The following RXFP1 variants were observed in gnomAD, a reference collection of about 807,000 sequenced individuals.
RXFP1 encodes the protein relaxin receptor 1.
In RXFP1, 73 loss-of-function variants were observed where a neutral mutation model predicts 89.8. That is an observed-to-expected ratio of 0.81 (90% CI 0.67 to 0.99). The LOEUF is 0.99. Among genes scored for constraint, RXFP1 ranks in the 50% least tolerant of loss-of-function variants. The pLI is 0.00. For synonymous variants in RXFP1, 277 were observed against 305.5 expected, an observed-to-expected ratio of 0.91 and a Z score of 0.97; for missense variants, 793 against 895.5, an observed-to-expected ratio of 0.89 and a Z score of 1.46.
chr4:158,633,445 A>G lies in RXFP1; in HGVS notation c.940A>G (p.Ile314Val). 2 of 1,604,320 alleles carry G rather than the reference A, an allele frequency of 1.2e-6. No homozygotes were observed. The highest frequency in any genetic ancestry group is 1.7e-6 in the Non-Finnish European group (2 of 1,173,172). ...SNKIENLPPLIFKDLKELSQL... is the reference protein window; with the variant it reads ...SNKIENLPPLVFKDLKELSQL... The stretch of plus-strand genomic sequence containing the variant: ...TAAGATTGAAAATCTTCCACCGCTT[A>G]TATTCAAGGACCTGAAGGAGCTGTC... The change falls in exon 12 of 18, where the codon ATA (isoleucine) becomes GTA (valine). Residue 314 changes from isoleucine to valine, a missense_variant. Ile to Val is a conservative substitution (Grantham distance 29, BLOSUM62 3). Coordinates refer to ENST00000307765, the MANE Select transcript of RXFP1 (RefSeq NM_021634.4).
At chr4:158,607,111 T>A in intron 5 of RXFP1, 1 of 1,536,028 alleles carries the variant, frequency 6.5e-7, no homozygotes, top group East Asian at 2.4e-5. Context: ...AATCCTTACT[T>A]TATCATTCCC....
At chr4:158,537,447 G>T (rs908348879) in intron 1 of RXFP1, among the ~76,000 whole-genome samples, 1 of 152,108 alleles carries the variant, frequency 6.6e-6, no homozygotes, top group African/African-American at 2.4e-5. Flanking sequence ...GGTCTTGGTG[G>T]AAGACTATGT....
chr4:158,647,023 C>T lies in RXFP1; in HGVS notation c.1578C>T (p.Cys526=), dbSNP rs1178773680. The T allele has an allele frequency of 3.1e-6, 5 of 1,614,066 alleles. No homozygotes were observed. Among genetic ancestry groups the T allele is most frequent in the Non-Finnish European group, 4.2e-6 (5 of 1,179,992 alleles). ...YPFRCVRPGK[C]RTITVLILIW... Reference sequence around the variant, plus strand: ...TTAGATGTGTGAGACCTGGAAAATGCAGAACAATTACAGTTCTGATTCTCA... The same window carrying T: ...TTAGATGTGTGAGACCTGGAAAATGTAGAACAATTACAGTTCTGATTCTCA... Residue 526 remains cysteine, a synonymous_variant, in exon 16 of 18, where the codon TGC becomes TGT. Coordinates refer to ENST00000307765, the MANE Select transcript of RXFP1 (RefSeq NM_021634.4).
At chr4:158,589,606 C>G (rs576389624) in intron 2 of RXFP1, among the ~76,000 whole-genome samples, 1 of 152,236 alleles carries the variant, frequency 6.6e-6, no homozygotes, top group East Asian at 1.9e-4. Context: ...CTACAACTAA[C>G]CTCATCAGAC....
intron 1 of RXFP1, among the ~76,000 whole-genome samples, chr4:158,571,383 G>A (rs1755024343): frequency 6.6e-6 from 1 of 152,146 alleles, no homozygotes; most frequent in Admixed American, 6.5e-5. Flanking sequence ...TAGGGTAAAA[G>A]AGGCTGGGCG....
chr4:158,567,629 C>A (rs561615630), intron 1 of RXFP1, among the ~76,000 whole-genome samples: 28 of 152,118 alleles, frequency 1.8e-4, no homozygotes, highest in Non-Finnish European at 3.8e-4. Flanking sequence ...CACCAATCAG[C>A]ACTCTGTGTC....
At chr4:158,576,932 C>T (rs1247382680) in intron 2 of RXFP1, among the ~76,000 whole-genome samples, 1 of 152,120 alleles carries the variant, frequency 6.6e-6, no homozygotes, top group East Asian at 1.9e-4. Context: ...TCTCTAATTG[C>T]TTTAATTTCC....
chr4:158,609,428 A>G (rs1763144578), intron 6 of RXFP1, among the ~76,000 whole-genome samples: 1 of 152,188 alleles, frequency 6.6e-6, no homozygotes, highest in African/African-American at 2.4e-5. Context: ...GGCTTTCTCA[A>G]TGTTCCGTTT....
chr4:158,549,404 C>T (rs867610208), intron 1 of RXFP1, among the ~76,000 whole-genome samples: 1 of 152,126 alleles, frequency 6.6e-6, no homozygotes. Flanking sequence ...GAATTTCCTC[C>T]TGTAGTTTGG....
At position 158,648,705 on chromosome 4, in the gene RXFP1, G is replaced by A; in HGVS notation, c.1963G>A (p.Val655Ile). The A allele has an allele frequency of 1.3e-6, 2 of 1,581,294 alleles. No individual in the cohort carries two copies. The highest frequency in any genetic ancestry group is 3.5e-5 in the Admixed American group (2 of 57,970). The change falls in exon 17 of 18, where the codon GTA becomes ATA. Residue 655 changes from valine (V) to isoleucine (I), a missense_variant. Coordinates refer to ENST00000307765, the MANE Select transcript of RXFP1 (RefSeq NM_021634.4). Reference sequence around the variant, plus strand: ...AGTGAAATTTCTTTCACTGCTTCAGGTAGAAATACCAGGTACAATATTTTT... The same window carrying A: ...AGTGAAATTTCTTTCACTGCTTCAGATAGAAATACCAGGTACAATATTTTT... ...FVVKFLSLLQ[V>I]EIPGTITSWV...
At chr4:158,633,969 A>T (rs1287431962) in intron 12 of RXFP1, among the ~76,000 whole-genome samples, 1 of 152,300 alleles carries the variant, frequency 6.6e-6, no homozygotes, top group East Asian at 1.9e-4. Flanking sequence ...CCTATTGTGG[A>T]TAATGTTGCT....
chr4:158,566,665 A>G (rs538448588), intron 1 of RXFP1, among the ~76,000 whole-genome samples: 24 of 152,240 alleles, frequency 1.6e-4, no homozygotes, highest in Non-Finnish European at 3.2e-4. Context: ...CACCCGGCCC[A>G]AAAGTTACTT....
intron 2 of RXFP1, among the ~76,000 whole-genome samples, chr4:158,580,127 A>G (rs1757052347): frequency 6.6e-6 from 1 of 152,190 alleles, no homozygotes; most frequent in African/African-American, 2.4e-5. Context: ...CAGGGTGAGC[A>G]GCTTAAGATG....
intron 2 of RXFP1, among the ~76,000 whole-genome samples, chr4:158,577,211 G>C (rs975597713): frequency 2.0e-5 from 3 of 151,890 alleles, no homozygotes; most frequent in Admixed American, 6.6e-5. Flanking sequence ...CTAATTTTTT[G>C]CATTTTTAGT....
At chr4:158,527,173 T>C (rs879332385) in intron 1 of RXFP1, among the ~76,000 whole-genome samples, 4 of 152,186 alleles carry the variant, frequency 2.6e-5, no homozygotes, top group Non-Finnish European at 4.4e-5. Flanking sequence ...AGATTTTAAA[T>C]AATTTTTTTG....
At chr4:158,629,588 T>A (rs1239958307) in intron 11 of RXFP1, among the ~76,000 whole-genome samples, 5 of 150,292 alleles carry the variant, frequency 3.3e-5, no homozygotes, top group Non-Finnish European at 7.4e-5. Flanking sequence ...TTCAGACCAT[T>A]TTTTTATATT....
chr4:158,609,616 T>C (rs966561215), intron 6 of RXFP1, among the ~76,000 whole-genome samples: 1 of 152,008 alleles, frequency 6.6e-6, no homozygotes, highest in South Asian at 2.1e-4. Context: ...GGTATCAGAG[T>C]TTGGGATTGA....
intron 11 of RXFP1, among the ~76,000 whole-genome samples, chr4:158,630,361 A>T (rs1372475177): frequency 6.6e-6 from 1 of 152,236 alleles, no homozygotes; most frequent in African/African-American, 2.4e-5. Context: ...CACATAGGAA[A>T]GTAGTCTAAA....
intron 1 of RXFP1, among the ~76,000 whole-genome samples, chr4:158,526,531 T>C (rs930128039): frequency 1.3e-5 from 2 of 152,228 alleles, no homozygotes; most frequent in African/African-American, 4.8e-5. Context: ...ATTTCAAATT[T>C]AGGTTTTGTT....
Sources: gnomAD v4.1 joint callset for allele counts (sites outside exome capture counted in the v4.1 genomes callset) on GRCh38, gnomAD v4.1.1 for gene constraint, MANE v1.5 for transcripts, NCBI Gene and HGNC (gene_info 2026-07-23, HGNC 2026-07-21) for gene names.